The following GRIN2B variants were observed in gnomAD, a reference collection of about 807,000 sequenced individuals.
GRIN2B encodes glutamate receptor ionotropic, NMDA 2B.
A neutral mutation model predicts 114.5 loss-of-function variants in GRIN2B; 5 were observed. The observed-to-expected ratio is 0.04, with a 90% CI of 0.02 to 0.09. The LOEUF (loss-of-function observed/expected upper bound fraction) is 0.09, where lower values mean the gene tolerates loss of function less well. Ranked by LOEUF, GRIN2B falls within the 10% of genes least tolerant of loss-of-function variation. The pLI, the probability that GRIN2B is intolerant of heterozygous loss-of-function variation, is 1.00. For synonymous variants in GRIN2B, 787 were observed against 745.1 expected (o/e 1.06, Z -0.92); for missense variants, 1,108 against 1,943.5 (o/e 0.57, Z 8.08).
intron 2 of GRIN2B, among the ~76,000 whole-genome samples, chr12:13,945,277 G>A (rs981006976): frequency 2.0e-5 from 3 of 152,156 alleles, no homozygotes; most frequent in African/African-American, 7.2e-5. Flanking sequence ...TCATTGTTAT[G>A]ACATTAGAAA....
chr12:13,704,022 C>A (rs1160447684), intron 4 of GRIN2B, among the ~76,000 whole-genome samples: 1 of 152,042 alleles, frequency 6.6e-6, no homozygotes, highest in African/African-American at 2.4e-5. Flanking sequence ...AAGATAGGGA[C>A]AGGATAGCAG....
intron 5 of GRIN2B, among the ~76,000 whole-genome samples, chr12:13,630,799 C>T (rs572398788): frequency 2.6e-5 from 4 of 152,228 alleles, no homozygotes; most frequent in African/African-American, 4.8e-5. Context: ...CACTAAGTTT[C>T]GAGGTGGTTG....
chr12:13,865,360 G>A (rs1282891278), intron 3 of GRIN2B, among the ~76,000 whole-genome samples: 2 of 152,146 alleles, frequency 1.3e-5, no homozygotes, highest in Middle Eastern at 3.2e-3. Context: ...AAGCATGCAC[G>A]GTGGCTCACG....
chr12:13,678,288 C>G (rs148676885), intron 4 of GRIN2B, among the ~76,000 whole-genome samples: 11 of 152,096 alleles, frequency 7.2e-5, no homozygotes, highest in Admixed American at 6.5e-5. Context: ...ACTGGATTGT[C>G]CTTGTATGTA....
At chr12:13,821,133 G>C (rs1864927354) in intron 3 of GRIN2B, among the ~76,000 whole-genome samples, 1 of 151,790 alleles carries the variant, frequency 6.6e-6, no homozygotes, top group African/African-American at 2.4e-5. Flanking sequence ...TTTCTTGAAT[G>C]CTTTCCTACT....
At chr12:13,838,942 T>C (rs1444763420) in intron 3 of GRIN2B, among the ~76,000 whole-genome samples, 3 of 152,162 alleles carry the variant, frequency 2.0e-5, no homozygotes, top group Admixed American at 6.5e-5. Flanking sequence ...CAACTGCCCC[T>C]CTTGGAAACA....
chr12:13,582,893 T>C (rs1180616201), intron 10 of GRIN2B, among the ~76,000 whole-genome samples: 3 of 152,186 alleles, frequency 2.0e-5, no homozygotes, highest in African/African-American at 7.2e-5. Flanking sequence ...TTTAATGCAA[T>C]AAGGCAGTCA....
At position 13,735,191 on chromosome 12, in the gene GRIN2B, T is replaced by C. The variant is rs117657414; in HGVS notation, c.1010+18126A>G. On this transcript the variant is annotated intron_variant, in intron 4 of 13. Transcript: ENST00000609686. ...TATTTGCAGCACACAGAAATCTTAT[T>C]TGAGCCAATAAAACATGGTTACAAC... Among the ~76,000 whole-genome samples, 1,384 of 152,340 alleles carry C rather than the reference T, an allele frequency of 9.1e-3. 64 individuals are homozygous for C. The highest frequency in any genetic ancestry group is 0.081 in the Admixed American group (1,244 of 15,298).
At chr12:13,640,369 A>G (rs1426506944) in intron 5 of GRIN2B, among the ~76,000 whole-genome samples, 2 of 152,196 alleles carry the variant, frequency 1.3e-5, no homozygotes, top group African/African-American at 2.4e-5. Context: ...TAGGACGTTC[A>G]TAAGTGATAG....
chr12:13,561,223 T>G lies in GRIN2B; in HGVS notation c.*1560A>C, dbSNP rs1948538648. On this transcript the variant is annotated 3_prime_UTR_variant, in exon 14 of 14. Transcript: ENST00000609686. The stretch of plus-strand genomic sequence containing the variant: ...CTTTTTTTATTCCTCAATGGTACAA[T>G]CTGAGAGGGAAACAAGGTGTTGCAG... 6.6e-6 allele frequency: 1 copy of G among 152,042 alleles called. No individual in the cohort carries two copies. Among genetic ancestry groups the G allele is most frequent in the South Asian group, 2.1e-4 (1 of 4,810 alleles). The allele number at this position is 152,042 out of a possible 1,614,324, so 9.4% of individuals were successfully genotyped here. A position where few individuals can be genotyped will look rare whatever the true frequency, so the allele number is the denominator to read the frequency against.
rs1376817060 is a variant in GRIN2B, at chr12:13,573,195, T to C, written c.2011-1231A>G. ...GGTCGGGCACGGTGGCTCACGCCTG[T>C]AATCCCAGCACTTTGGGAGGCCGAG... On this transcript the variant is annotated intron_variant, in intron 10 of 13. Transcript: ENST00000609686. Among the ~76,000 whole-genome samples the C allele has an allele frequency of 2.0e-5, 3 of 149,470 alleles. 1 individual carries two copies. The highest frequency in any genetic ancestry group is 4.5e-5 in the Non-Finnish European group (3 of 67,122).
chr12:13,834,607 C>T (rs1009906370), intron 3 of GRIN2B, among the ~76,000 whole-genome samples: 7 of 152,166 alleles, frequency 4.6e-5, no homozygotes, highest in African/African-American at 1.7e-4. Context: ...GTTTACCTGG[C>T]TAATTGTCTT....
chr12:13,571,984 TAGAGACAGAGCGGGAGATGG>T lies in GRIN2B; in HGVS notation c.2011-40_2011-21del. ...CTGGAACTGGAGAGAGAAAGACAGA[TAGAGACAGAGCGGGAGATGG>T]AGGGAGAGAGAGAGAGAAAAGTCAT... On this transcript the variant is annotated intron_variant, in intron 10 of 13. Transcript: ENST00000609686. 1 of 1,599,776 alleles carries T rather than the reference TAGAGACAGAGCGGGAGATGG, an allele frequency of 6.3e-7. No individual in the cohort carries two copies. The highest frequency in any genetic ancestry group is 8.6e-7 in the Non-Finnish European group (1 of 1,168,562).
At chr12:13,852,048 C>T (rs1312587325) in intron 3 of GRIN2B, among the ~76,000 whole-genome samples, 1 of 152,170 alleles carries the variant, frequency 6.6e-6, no homozygotes, top group African/African-American at 2.4e-5. Flanking sequence ...CTGCTTGCTC[C>T]CTACTACTCT....
At chr12:13,795,882 T>C (rs750880318) in intron 3 of GRIN2B, among the ~76,000 whole-genome samples, 3 of 151,650 alleles carry the variant, frequency 2.0e-5, no homozygotes, top group South Asian at 2.1e-4. Context: ...AATTGAACAA[T>C]GAGAACACGT....
At chr12:13,790,029 G>A (rs188190046) in intron 3 of GRIN2B, among the ~76,000 whole-genome samples, 2 of 152,312 alleles carry the variant, frequency 1.3e-5, no homozygotes, top group East Asian at 1.9e-4. Flanking sequence ...TGAGGTATGA[G>A]CTGAGAAATC....
At chr12:13,586,767 T>C (rs1485506109) in intron 10 of GRIN2B, among the ~76,000 whole-genome samples, 1 of 152,214 alleles carries the variant, frequency 6.6e-6, no homozygotes, top group Non-Finnish European at 1.5e-5. Flanking sequence ...GTCAAATATT[T>C]CTTATCTACA....
intron 3 of GRIN2B, among the ~76,000 whole-genome samples, chr12:13,754,173 T>C (rs1863538028): frequency 6.6e-6 from 1 of 152,216 alleles, no homozygotes; most frequent in Non-Finnish European, 1.5e-5. Context: ...CTGAAATCCT[T>C]GGGGTTTCTG....
At position 13,569,356 on chromosome 12, in the gene GRIN2B, CTAATA is replaced by C. The variant is rs1355059825; in HGVS notation, c.2359+469_2359+473del. Among the ~76,000 whole-genome samples, 8 of 152,272 alleles carry C rather than the reference CTAATA, an allele frequency of 5.3e-5. No homozygotes were observed. In the East Asian group the frequency reaches 5.8e-4, roughly 11 times the overall value. ...TCCCAGAGTATGGTGAACCCCTAAT[CTAATA>C]TGACTGGCATTCTTAAGAAAAAGGG... On this transcript the variant is annotated intron_variant, in intron 12 of 13. Coordinates refer to ENST00000609686, the MANE Select transcript of GRIN2B (RefSeq NM_000834.5).
Sources: allele counts gnomAD v4.1 joint callset (sites outside exome capture counted in the v4.1 genomes callset), GRCh38; gene constraint gnomAD v4.1.1; transcripts MANE v1.5; gene names NCBI Gene and HGNC (gene_info 2026-07-23, HGNC 2026-07-21).